Variants in RGL3 observed in about 807,000 individuals in gnomAD.
RGL3 encodes ral guanine nucleotide dissociation stimulator-like 3.
A neutral mutation model predicts 90.6 loss-of-function variants in RGL3; 85 were observed. The ratio of observed to expected loss-of-function variants is 0.94; its 90% confidence interval spans 0.79 to 1.12. The LOEUF (loss-of-function observed/expected upper bound fraction) is 1.12. Among genes scored for constraint, RGL3 ranks in the 50% most tolerant of loss-of-function variants. The pLI is 0.00. For synonymous variants in RGL3, 408 were observed against 385.5 expected (o/e 1.06, Z -0.68); for missense variants, 1,034 against 939.2 (o/e 1.10, Z -1.32).
intron 5 of RGL3, among the ~76,000 whole-genome samples, chr19:11,415,206 CAGGCT>C (rs901079398): frequency 6.6e-6 from 1 of 151,598 alleles, no homozygotes; most frequent in Non-Finnish European, 1.5e-5. Context: ...AAAAATTTTA[CAGGCT>C]AGGTATAGTG....
At position 11,400,513 on chromosome 19, in the gene RGL3, A is replaced by G. The variant is rs553370359; in HGVS notation, c.1485-216T>C. Among the ~76,000 whole-genome samples, 8 of 152,146 alleles carry G rather than the reference A, an allele frequency of 5.3e-5. No homozygotes were observed. In the South Asian group the frequency reaches 1.7e-3, roughly 32 times the overall value. On this transcript the variant is annotated intron_variant, in intron 13 of 18. Transcript: ENST00000380456. Reference sequence around the variant, plus strand: ...GATGGCTGGTCAGGAGGTCACAAAGAGATTCACAGGGTGGCACTAAGGAAT... The same window carrying G: ...GATGGCTGGTCAGGAGGTCACAAAGGGATTCACAGGGTGGCACTAAGGAAT...
At chr19:11,397,621 C>A in intron 16 of RGL3, 24 bp from the exon 17 acceptor site, 1 of 1,511,826 alleles carries the variant, frequency 6.6e-7, no homozygotes, top group Non-Finnish European at 8.9e-7. Flanking sequence ...GGGGTGGAGG[C>A]TACAGCTTGG....
intron 18 of RGL3, among the ~76,000 whole-genome samples, chr19:11,395,871 C>A (rs1022943721): frequency 6.6e-6 from 1 of 151,010 alleles, no homozygotes; most frequent in Admixed American, 6.6e-5. Flanking sequence ...TCGTGATCCA[C>A]CCGCCTCGGC....
intron 5 of RGL3, among the ~76,000 whole-genome samples, chr19:11,415,465 C>T (rs945136882): frequency 6.6e-6 from 1 of 152,048 alleles, no homozygotes; most frequent in Non-Finnish European, 1.5e-5. Flanking sequence ...CATGCTAATA[C>T]TTCAGACAAA....
At position 11,405,157 on chromosome 19, in the gene RGL3, ATCTC is replaced by A. The variant is rs749176728; in HGVS notation, c.1171_1174del (p.Glu391PhefsTer83). On this transcript the variant is annotated frameshift_variant, in exon 9 of 19. Coordinates refer to ENST00000380456, the MANE Select transcript of RGL3 (RefSeq NM_001035223.4). LOFTEE classifies it high-confidence loss of function. The stretch of plus-strand genomic sequence containing the variant: ...TGCATCCATCTCTACCTGGAAAAGA[ATCTC>A]TCTGCTGCTGAGGTGGTTGTTCTCA... 26 of 1,614,010 alleles carry A rather than the reference ATCTC, an allele frequency of 1.6e-5. No homozygotes were observed. In the African/African-American group the frequency reaches 2.4e-4, roughly 15 times the overall value.
chr19:11,394,217 G>T lies in RGL3; in HGVS notation c.*185C>A. 1 of 600,820 alleles carries T rather than the reference G, an allele frequency of 1.7e-6. No individual in the cohort carries two copies. Among genetic ancestry groups the T allele is most frequent in the Non-Finnish European group, 3.0e-6 (1 of 329,860 alleles). The allele number at this position is 600,820 out of a possible 1,614,324, so 37.2% of individuals were successfully genotyped here. On this transcript the variant is annotated 3_prime_UTR_variant, in exon 19 of 19. Coordinates refer to ENST00000380456, the MANE Select transcript of RGL3 (RefSeq NM_001035223.4). ...CTCCACCAGCCACCCATGGGCTGAT[G>T]TCTTTGGAATATGGATCTAGTACCA...
intron 5 of RGL3, among the ~76,000 whole-genome samples, chr19:11,411,922 G>T (rs1968881425): frequency 6.6e-6 from 1 of 152,042 alleles, no homozygotes; most frequent in South Asian, 2.1e-4. Context: ...GCCTGGATTG[G>T]ATTTTTTTTA....
At chr19:11,398,822 G>C (rs112073930) in intron 16 of RGL3, among the ~76,000 whole-genome samples, 23,416 of 151,582 alleles carry the variant, frequency 0.15, 2,935 homozygotes, top group African/African-American at 0.35. Context: ...AGGTGTGCGC[G>C]ACCATACCCA....
chr19:11,400,416 C>T, intron 13 of RGL3, 119 bp from the exon 14 acceptor site: 1 of 721,686 alleles, frequency 1.4e-6, no homozygotes. Flanking sequence ...CCAGAGGTGG[C>T]ACCCCACATG....
At chr19:11,395,881 C>T (rs559752926) in intron 18 of RGL3, among the ~76,000 whole-genome samples, 1 of 151,042 alleles carries the variant, frequency 6.6e-6, no homozygotes, top group Non-Finnish European at 1.5e-5. Flanking sequence ...CCCGCCTCGG[C>T]CTCCCAAAGT....
At position 11,406,420 on chromosome 19, in the gene RGL3, T is replaced by C; in HGVS notation, c.995A>G (p.Gln332Arg). ...QRLEKWIRIA[Q>R]RCRELRNFSS... ...CCCCTCTCCGCGCCCGCAACACACC[T>C]GGGCGATGCGGATCCACTTCTCCAG... Residue 332 changes from glutamine (Q) to arginine (R), a missense_variant and splice_region_variant, in exon 7 of 19, where the codon CAG becomes CGG. Coordinates refer to ENST00000380456, the MANE Select transcript of RGL3 (RefSeq NM_001035223.4). The C allele has an allele frequency of 6.5e-7, 1 of 1,535,220 alleles. No individual in the cohort carries two copies. Among genetic ancestry groups the C allele is most frequent in the South Asian group, 1.2e-5 (1 of 83,920 alleles).
At chr19:11,401,569 T>G (rs1968676366) in intron 13 of RGL3, among the ~76,000 whole-genome samples, 2 of 151,860 alleles carry the variant, frequency 1.3e-5, no homozygotes, top group South Asian at 4.2e-4. Flanking sequence ...CTAATTTTTT[T>G]TTTGTATTTT....
intron 16 of RGL3, among the ~76,000 whole-genome samples, chr19:11,399,406 A>C (rs111597522): frequency 0.056 from 8,511 of 152,050 alleles, 276 homozygotes; most frequent in East Asian, 0.16. Context: ...ATCTCTACTA[A>C]ATAAAAAAAA....
chr19:11,396,653 G>A (rs1293096429), intron 18 of RGL3, among the ~76,000 whole-genome samples: 5 of 146,068 alleles, frequency 3.4e-5, no homozygotes, highest in South Asian at 2.1e-4. Flanking sequence ...TCACTTGTCC[G>A]TGGACAGTCT....
At chr19:11,408,219 C>T (rs1422258487) in intron 5 of RGL3, among the ~76,000 whole-genome samples, 1 of 152,242 alleles carries the variant, frequency 6.6e-6, no homozygotes, top group Non-Finnish European at 1.5e-5. Context: ...TCCCTCTTGG[C>T]TTCCCAAAGT....
At chr19:11,408,433 A>G (rs751586003) in intron 5 of RGL3, among the ~76,000 whole-genome samples, 53 of 151,998 alleles carry the variant, frequency 3.5e-4, no homozygotes, top group Non-Finnish European at 6.6e-4. Flanking sequence ...AAAAAATACA[A>G]AAATTAGCCG....
rs1484535215 is a variant in RGL3, at chr19:11,414,178, C to T, written c.637+1759G>A. Reference sequence around the variant, plus strand: ...ATATATATATATATATATATATATACACCTATATATATATACCTTTATATA... The same window carrying T: ...ATATATATATATATATATATATATATACCTATATATATATACCTTTATATA... On this transcript the variant is annotated intron_variant, in intron 5 of 18. Coordinates refer to ENST00000380456, the MANE Select transcript of RGL3 (RefSeq NM_001035223.4). Among the ~76,000 whole-genome samples the T allele has an allele frequency of 3.6e-3, 170 of 47,036 alleles. 2 individuals are homozygous for T. Among genetic ancestry groups the T allele is most frequent in the African/African-American group, 9.2e-3 (105 of 11,368 alleles). The allele number at this position is 47,036 out of a possible 152,430, so 30.9% of individuals were successfully genotyped here. A position where few individuals can be genotyped will look rare whatever the true frequency, so the allele number is the denominator to read the frequency against.
At chr19:11,412,748 C>T (rs150742778) in intron 5 of RGL3, among the ~76,000 whole-genome samples, 24 of 152,096 alleles carry the variant, frequency 1.6e-4, no homozygotes, top group Admixed American at 6.6e-4. Flanking sequence ...AAGCGGATCA[C>T]GAGATCAGGA....
chr19:11,418,678 C>A lies in RGL3; in HGVS notation c.140G>T (p.Gly47Val). 6.4e-7 allele frequency: 1 copy of A among 1,550,474 alleles called. No individual in the cohort carries two copies. The highest frequency in any genetic ancestry group is 8.7e-7 in the Non-Finnish European group (1 of 1,152,784). Reference sequence around the variant, plus strand: ...ACCAAACCCCCTCCTCACCTGGCTGCCCCCGGGGCCCTCCGCCGGGCTCCT... The same window carrying A: ...ACCAAACCCCCTCCTCACCTGGCTGACCCCGGGGCCCTCCGCCGGGCTCCT... ...QRRSPAEGPG[G>V]SQAPSPIANT... The change falls in exon 2 of 19, where the codon GGC (glycine) becomes GTC (valine). Residue 47 changes from glycine to valine, a missense_variant. By Grantham distance (109) the Gly-to-Val change is moderately radical. Transcript: ENST00000380456.
Sources: allele counts gnomAD v4.1 joint callset (sites outside exome capture counted in the v4.1 genomes callset), GRCh38; gene constraint gnomAD v4.1.1; transcripts MANE v1.5; gene names NCBI Gene and HGNC (gene_info 2026-07-23, HGNC 2026-07-21).